The following ACSL3 variants were observed in gnomAD, a reference collection of about 807,000 sequenced individuals.
The protein encoded by ACSL3 is acyl-CoA synthetase long chain family member 3.
In ACSL3, 34 loss-of-function variants were observed where a neutral mutation model predicts 84.7. The observed-to-expected ratio is 0.40, with a 90% CI of 0.31 to 0.53. The LOEUF is 0.53. ACSL3 is among the 20% of genes least tolerant of loss of function. ACSL3 has a pLI of 0.48. For synonymous variants in ACSL3, 315 were observed against 299.4 expected, an observed-to-expected ratio of 1.05 and a Z score of -0.54; for missense variants, 680 against 873.1, an observed-to-expected ratio of 0.78 and a Z score of 2.79.
At chr2:222,931,314 C>G (rs924593815) in intron 14 of ACSL3, among the ~76,000 whole-genome samples, 1 of 150,862 alleles carries the variant, frequency 6.6e-6, no homozygotes, top group African/African-American at 2.4e-5. Flanking sequence ...CTTGGGAGGC[C>G]GAGGCAGGAG....
At chr2:222,904,293 C>CA (rs60135005) in intron 3 of ACSL3, among the ~76,000 whole-genome samples, 79,422 of 151,830 alleles carry the variant, frequency 0.52, 21,555 homozygotes, top group East Asian at 0.78. Context: ...CAAAACAAAA[C>CA]AAAAAACAAT....
At chr2:222,901,732 G>C (rs953000754) in intron 3 of ACSL3, among the ~76,000 whole-genome samples, 8 of 152,050 alleles carry the variant, frequency 5.3e-5, no homozygotes, top group African/African-American at 1.9e-4. Flanking sequence ...GGATCACAAG[G>C]TCAAGAGATC....
At chr2:222,877,308 G>A (rs1574519826) in intron 1 of ACSL3, among the ~76,000 whole-genome samples, 1 of 152,038 alleles carries the variant, frequency 6.6e-6, no homozygotes, top group African/African-American at 2.4e-5. Flanking sequence ...TTGTTTAGAG[G>A]GTGTTTTTTA....
At chr2:222,891,726 T>C (rs1193215059) in intron 2 of ACSL3, among the ~76,000 whole-genome samples, 1 of 152,224 alleles carries the variant, frequency 6.6e-6, no homozygotes, top group Non-Finnish European at 1.5e-5. Context: ...AAACTGCTTT[T>C]TCATGTAGAT....
At chr2:222,901,018 T>C (rs1253440323) in intron 3 of ACSL3, among the ~76,000 whole-genome samples, 2 of 152,202 alleles carry the variant, frequency 1.3e-5, no homozygotes, top group Non-Finnish European at 2.9e-5. Flanking sequence ...GGTCAATCTG[T>C]GTGGTGCCAT....
At chr2:222,918,220 T>G in intron 6 of ACSL3, 65 bp downstream of exon 6, 4 of 969,710 alleles carry the variant, frequency 4.1e-6, no homozygotes. Context: ...TGAGCCCTAT[T>G]ATTGATACTT....
rs1574555017 is a variant in ACSL3, at chr2:222,919,106, G to A, written c.709G>A (p.Val237Ile). Residue 237 changes from valine (V) to isoleucine (I), a missense_variant, in exon 7 of 17, where the codon GTT (valine) becomes ATT (isoleucine). Physicochemically the swap from Val to Ile is conservative, Grantham distance 29 (BLOSUM62 3). This residue lies in a region of ACSL3 where 333 missense variants were observed against 347.5 expected (regional missense o/e 0.96). Transcript: ENST00000357430. ...LVPRLRHIIT[V>I]DGKPPTWSEF... Reference sequence around the variant, plus strand: ...CCCACGCCTGCGGCACATCATCACTGTTGATGGAAAGCCACCGACCTGGTC... The same window carrying A: ...CCCACGCCTGCGGCACATCATCACTATTGATGGAAAGCCACCGACCTGGTC... The A allele has an allele frequency of 6.2e-7, 1 of 1,614,156 alleles. No homozygotes were observed. Among genetic ancestry groups the A allele is most frequent in the Non-Finnish European group, 8.5e-7 (1 of 1,180,008 alleles).
At chr2:222,918,002 G>T (rs762498450) in intron 5 of ACSL3, 44 bp from the exon 6 acceptor site, 1 of 1,369,270 alleles carries the variant, frequency 7.3e-7, no homozygotes, top group Admixed American at 1.7e-5. Flanking sequence ...TACATTTGTA[G>T]TTAAATGTTT....
At chr2:222,863,914 T>C (rs1258713277) in intron 1 of ACSL3, among the ~76,000 whole-genome samples, 1 of 152,126 alleles carries the variant, frequency 6.6e-6, no homozygotes, top group East Asian at 1.9e-4. Flanking sequence ...AAGATGAACT[T>C]GCCAAAGTTA....
chr2:222,884,820 C>T (rs543257577), intron 1 of ACSL3, among the ~76,000 whole-genome samples: 122 of 152,262 alleles, frequency 8.0e-4, no homozygotes, highest in African/African-American at 2.9e-3. Flanking sequence ...CAGTTCCCTT[C>T]GCGTTTACAA....
Position 222,918,167 on chromosome 2 carries a change from A to C in ACSL3, c.666+12A>C. 1 of 1,555,484 alleles carries C rather than the reference A, an allele frequency of 6.4e-7. No homozygotes were observed. Among genetic ancestry groups the C allele is most frequent in the Non-Finnish European group, 8.9e-7 (1 of 1,129,360 alleles). On this transcript the variant is annotated intron_variant, in intron 6 of 16. Coordinates refer to ENST00000357430, the MANE Select transcript of ACSL3 (RefSeq NM_004457.5). The stretch of plus-strand genomic sequence containing the variant: ...AAACAAAGTTGAAGGTGAGGACTCT[A>C]GTTACTTTCTAACTGTCTGATACTT...
chr2:222,941,624 G>A lies in ACSL3; in HGVS notation c.2133G>A (p.Ala711=), dbSNP rs752311509. 9.9e-6 allele frequency: 16 copies of A among 1,612,952 alleles called. No individual in the cohort carries two copies. Among genetic ancestry groups the A allele is most frequent in the South Asian group, 7.7e-5 (7 of 90,966 alleles). The change falls in exon 17 of 17, where the codon GCG becomes GCA. Residue 711 remains alanine (A), a synonymous_variant. Transcript: ENST00000357430. ...KRKELKTHYQ[A]DIERMYGRK ...AAGAGCTTAAAACACATTACCAGGCGGACATTGAGCGAATGTATGGAAGAA... is the reference window on the plus strand; with the variant it reads ...AAGAGCTTAAAACACATTACCAGGCAGACATTGAGCGAATGTATGGAAGAA...
Position 222,927,112 on chromosome 2 carries a change from T to C in ACSL3, c.1388T>C (p.Met463Thr). 9 of 1,614,192 alleles carry C rather than the reference T, an allele frequency of 5.6e-6. No homozygotes were observed. Among genetic ancestry groups the C allele is most frequent in the Non-Finnish European group, 7.6e-6 (9 of 1,180,006 alleles). Residue 463 changes from methionine (M) to threonine (T), a missense_variant, in exon 12 of 17, where the codon ATG becomes ACG. This residue lies in a region of ACSL3 where 347 missense variants were observed against 525.7 expected (regional missense o/e 0.66). Coordinates refer to ENST00000357430, the MANE Select transcript of ACSL3 (RefSeq NM_004457.5). ...CTTTCTGCAACCACGCAGCGATTCA[T>C]GAACATCTGTTTCTGCTGTCCTGTT... ...APLSATTQRF[M>T]NICFCCPVGQ... is the part of the protein sequence containing the mutation.
chr2:222,934,190 A>G (rs1275908101), intron 15 of ACSL3, among the ~76,000 whole-genome samples: 1 of 152,278 alleles, frequency 6.6e-6, no homozygotes, highest in African/African-American at 2.4e-5. Context: ...AACACATGCT[A>G]TGAAATACTG....
intron 13 of ACSL3, 99 bp downstream of exon 13, chr2:222,929,035 T>G: frequency 1.1e-6 from 1 of 883,038 alleles, no homozygotes; most frequent in South Asian, 1.6e-5. Context: ...CACCCATAAG[T>G]GCTCATTTTT....
chr2:222,922,667 G>A (rs371238819), intron 8 of ACSL3, 41 bp from the exon 9 acceptor site: 37 of 1,610,806 alleles, frequency 2.3e-5, no homozygotes, highest in Admixed American at 1.2e-4. Context: ...TGGCATAGAC[G>A]ACACCTGACT....
In ACSL3 at chr2:222,942,546, A is replaced by C; in HGVS notation, c.*892A>C. ...TTATTCTTTGAATATTTCGTTGACT[A>C]TATGTACATTGAGTTATCTATATTT... On this transcript the variant is annotated 3_prime_UTR_variant, in exon 17 of 17. Coordinates refer to ENST00000357430, the MANE Select transcript of ACSL3 (RefSeq NM_004457.5). The C allele has an allele frequency of 5.1e-6, 1 of 194,582 alleles. No individual in the cohort carries two copies. The highest frequency in any genetic ancestry group is 1.1e-5 in the Non-Finnish European group (1 of 93,614). The allele number at this position is 194,582 out of a possible 1,614,324, so 12.1% of individuals were successfully genotyped here.
intron 14 of ACSL3, among the ~76,000 whole-genome samples, chr2:222,932,649 G>GTATTTAGCAGTACAAAAATTA (rs1422644403): frequency 7.0e-5 from 3 of 42,948 alleles, no homozygotes; most frequent in African/African-American, 1.5e-4. Flanking sequence ...TTAAAAGCAT[G>GTATTTAGCAGTACAAAAATTA]GGCCGGGCGC....
intron 2 of ACSL3, among the ~76,000 whole-genome samples, chr2:222,892,190 T>C (rs1559284357): frequency 6.6e-6 from 1 of 152,216 alleles, no homozygotes; most frequent in African/African-American, 2.4e-5. Context: ...TAAGAACCAC[T>C]GTATTACACA....
Sources: allele counts gnomAD v4.1 joint callset (sites outside exome capture counted in the v4.1 genomes callset), GRCh38; gene constraint gnomAD v4.1.1; regional missense constraint gnomAD v4.1.1; transcripts MANE v1.5; gene names NCBI Gene and HGNC (gene_info 2026-07-23, HGNC 2026-07-21).